MAP2K6: variants seen among roughly 807,000 people sequenced by gnomAD.
MAP2K6 encodes mitogen-activated protein kinase kinase 6.
In MAP2K6, 16 loss-of-function variants were observed where a neutral mutation model predicts 53.7. That is an observed-to-expected ratio of 0.30 (90% CI 0.20 to 0.45). The LOEUF (loss-of-function observed/expected upper bound fraction) is 0.45, where lower values mean the gene tolerates loss of function less well. Among genes scored for constraint, MAP2K6 ranks in the 20% least tolerant of loss-of-function variants. The pLI is 1.00. For synonymous variants in MAP2K6, 132 were observed against 143.1 expected (o/e 0.92, Z 0.55); for missense variants, 204 against 411.9 (o/e 0.50, Z 4.37).
rs757620929 is a variant in MAP2K6 at position 69,519,359 on chromosome 17, T to C, written c.293T>C (p.Met98Thr). 1 of 1,613,966 alleles carries C rather than the reference T, an allele frequency of 6.2e-7. No homozygotes were observed. Among genetic ancestry groups the C allele is most frequent in the Non-Finnish European group, 8.5e-7 (1 of 1,179,950 alleles). The change falls in exon 5 of 12, where the codon ATG becomes ACG. Residue 98 changes from methionine (M) to threonine (T), a missense_variant. Around this residue, in one of 3 missense-constraint regions of MAP2K6, gnomAD observed 129 missense variants for 247.1 expected, o/e 0.52. Transcript: ENST00000590474. ...AGCCAGGAACAGAAACGGCTACTGATGGATTTGGATATTTCCATGAGGACG... is the reference window on the plus strand; with the variant it reads ...AGCCAGGAACAGAAACGGCTACTGACGGATTTGGATATTTCCATGAGGACG... ...VNSQEQKRLLMDLDISMRTVD... is the reference protein window; with the variant it reads ...VNSQEQKRLLTDLDISMRTVD...
chr17:69,514,911 G>C (rs986835575), intron 2 of MAP2K6, among the ~76,000 whole-genome samples: 3 of 152,054 alleles, frequency 2.0e-5, no homozygotes, highest in African/African-American at 7.2e-5. Context: ...TCAGCAAAAG[G>C]GTTAGAATCA....
intron 10 of MAP2K6, among the ~76,000 whole-genome samples, chr17:69,532,472 G>A (rs116866989): frequency 0.02 from 3,048 of 152,256 alleles, 41 homozygotes; most frequent in Non-Finnish European, 0.028. Flanking sequence ...CTAATTGCAC[G>A]CTTGAAAATG....
intron 8 of MAP2K6, among the ~76,000 whole-genome samples, chr17:69,524,256 C>T (rs377240352): frequency 6.6e-6 from 1 of 151,740 alleles, no homozygotes; most frequent in East Asian, 1.9e-4. Context: ...ATACATATAG[C>T]CTGCACAGTT....
Position 69,537,787 on chromosome 17 carries a change from TAAAG to T in MAP2K6, c.927+1630_927+1633del, listed in dbSNP as rs1911428519. Among the ~76,000 whole-genome samples the T allele has an allele frequency of 2.0e-5, 3 of 152,328 alleles. No homozygotes were observed. The East Asian group carries it at 5.8e-4, about 29-fold the overall frequency. ...TCTTTATTCAACTAAAACTCACAGT[TAAAG>T]AAGGAAATATGAGTAATGTTTGAGA... On this transcript the variant is annotated intron_variant, in intron 11 of 11. Transcript: ENST00000590474.
intron 1 of MAP2K6, among the ~76,000 whole-genome samples, chr17:69,499,618 A>G (rs1212287478): frequency 1.3e-5 from 2 of 152,252 alleles, no homozygotes; most frequent in Admixed American, 1.3e-4. Flanking sequence ...AACAGTTGAG[A>G]AAAGAATAAC....
intron 1 of MAP2K6, among the ~76,000 whole-genome samples, chr17:69,459,485 G>A (rs987135904): frequency 6.6e-6 from 1 of 152,018 alleles, no homozygotes; most frequent in Non-Finnish European, 1.5e-5. Flanking sequence ...GCCGAGATAG[G>A]TGGATCACCT....
chr17:69,535,477 A>G (rs370308414), intron 10 of MAP2K6, among the ~76,000 whole-genome samples: 99 of 152,084 alleles, frequency 6.5e-4, no homozygotes, highest in African/African-American at 2.3e-3. Flanking sequence ...TGTAATCCCA[A>G]CTACTCAGGA....
At chr17:69,521,013 T>C in intron 6 of MAP2K6, 36 bp from the exon 7 acceptor site, 1 of 1,498,942 alleles carries the variant, frequency 6.7e-7, no homozygotes, top group Non-Finnish European at 9.2e-7. Context: ...TTTCCAGCAA[T>C]GTGATAAATA....
At chr17:69,516,741 C>G (rs1350099183) in intron 2 of MAP2K6, 114 bp from the exon 3 acceptor site, 1 of 737,886 alleles carries the variant, frequency 1.4e-6, no homozygotes, top group African/African-American at 1.8e-5. Flanking sequence ...TTAGTTTACT[C>G]ATGAACTTCC....
chr17:69,504,753 G>C (rs1412468065), intron 1 of MAP2K6, among the ~76,000 whole-genome samples: 1 of 152,004 alleles, frequency 6.6e-6, no homozygotes, highest in East Asian at 1.9e-4. Flanking sequence ...AAAAGTATTC[G>C]AGCCAAATTC....
intron 1 of MAP2K6, among the ~76,000 whole-genome samples, chr17:69,420,465 A>G (rs1421189430): frequency 6.6e-6 from 1 of 152,250 alleles, no homozygotes. Context: ...CACAAGTCAT[A>G]TAAGTCAATC....
In MAP2K6 at chr17:69,516,334, C is replaced by G. The variant is rs1910141834; in HGVS notation, c.84-521C>G. On this transcript the variant is annotated intron_variant, in intron 2 of 11. Coordinates refer to ENST00000590474, the MANE Select transcript of MAP2K6 (RefSeq NM_002758.4). ...CACAGTTCACAGTAGGGTTTGTGCT[C>G]CTATGAGAATCTAATGCCACTGCTG... is the stretch of plus-strand genomic sequence containing the variant. Among the ~76,000 whole-genome samples, 5 of 151,910 alleles carry G rather than the reference C, an allele frequency of 3.3e-5. No homozygotes were observed. In the South Asian group the frequency reaches 1.0e-3, roughly 32 times the overall value.
intron 1 of MAP2K6, among the ~76,000 whole-genome samples, chr17:69,429,256 T>C (rs1384735108): frequency 7.0e-6 from 1 of 143,650 alleles, no homozygotes; most frequent in East Asian, 2.0e-4. Context: ...CTGGGCAACA[T>C]AGTGAGACTC....
At chr17:69,457,825 A>C (rs79434432) in intron 1 of MAP2K6, among the ~76,000 whole-genome samples, 32,279 of 151,856 alleles carry the variant, frequency 0.21, 3,765 homozygotes, top group African/African-American at 0.29. Context: ...CCAAAACAAA[A>C]CAAAAGAGGC....
At chr17:69,529,795 G>A (rs2094387703) in intron 10 of MAP2K6, among the ~76,000 whole-genome samples, 1 of 152,142 alleles carries the variant, frequency 6.6e-6, no homozygotes, top group African/African-American at 2.4e-5. Flanking sequence ...ACAGGCTTGA[G>A]CCACTGCGTC....
intron 11 of MAP2K6, among the ~76,000 whole-genome samples, chr17:69,539,839 T>G (rs1365089351): frequency 6.6e-6 from 1 of 152,164 alleles, no homozygotes; most frequent in African/African-American, 2.4e-5. Context: ...GGAAAGCTAA[T>G]AAGCATGATG....
At chr17:69,437,025 C>T (rs1321452266) in intron 1 of MAP2K6, among the ~76,000 whole-genome samples, 1 of 152,030 alleles carries the variant, frequency 6.6e-6, no homozygotes, top group African/African-American at 2.4e-5. Context: ...CGGGGTTTCA[C>T]CATGTAGGCC....
intron 1 of MAP2K6, among the ~76,000 whole-genome samples, chr17:69,415,821 G>A (rs1436099901): frequency 6.6e-6 from 1 of 152,332 alleles, no homozygotes; most frequent in African/African-American, 2.4e-5. Flanking sequence ...GTAACTGCGT[G>A]TATTTAGTCA....
At chr17:69,520,191 G>A in intron 5 of MAP2K6, 79 bp from the exon 6 acceptor site, 2 of 740,980 alleles carry the variant, frequency 2.7e-6, no homozygotes, top group Admixed American at 2.8e-5. Flanking sequence ...TTCAGGATAG[G>A]GTTTACTGTT....
Sources: allele counts gnomAD v4.1 joint callset (sites outside exome capture counted in the v4.1 genomes callset), GRCh38; gene constraint gnomAD v4.1.1; regional missense constraint gnomAD v4.1.1; transcripts MANE v1.5; gene names NCBI Gene and HGNC (gene_info 2026-07-23, HGNC 2026-07-21).